Variants in CAB39 observed in about 807,000 individuals in gnomAD.
CAB39 encodes the protein calcium binding protein 39.
Under a neutral mutation model 40.0 loss-of-function variants are expected in CAB39, and 8 were observed. That is an observed-to-expected ratio of 0.20 (90% CI 0.12 to 0.36). CAB39 has a LOEUF of 0.36. CAB39 is among the 10% of genes least tolerant of loss of function. CAB39 has a pLI of 1.00. For missense variants in CAB39, 270 were observed against 401.1 expected (o/e 0.67, Z 2.79); for synonymous variants, 156 against 141.6 (o/e 1.10, Z -0.72).
chr2:230,721,015 G>A (rs1694442452), intron 1 of CAB39, among the ~76,000 whole-genome samples: 1 of 152,140 alleles, frequency 6.6e-6, no homozygotes, highest in Non-Finnish European at 1.5e-5. Context: ...TTTGGATAGA[G>A]GATTTTTGTT....
intron 3 of CAB39, among the ~76,000 whole-genome samples, chr2:230,791,945 C>T: frequency 6.6e-6 from 1 of 152,054 alleles, no homozygotes; most frequent in East Asian, 1.9e-4. Context: ...GTTTTAAGCC[C>T]CAGTGTTTGT....
chr2:230,818,641 C>T lies in CAB39; in HGVS notation c.963C>T (p.Asp321=), dbSNP rs768822881. The part of the protein sequence containing the change: ...NDRTEDEQFN[D]EKTYLVKQIR... ...GGACGGAGGATGAGCAGTTTAACGA[C>T]GAGAAGACCTATTTAGTTAAACAGA... Residue 321 remains aspartate (D), a synonymous_variant, in exon 9 of 9, where the codon GAC becomes GAT. Transcript: ENST00000258418. The T allele has an allele frequency of 6.5e-5, 105 of 1,613,936 alleles. No individual in the cohort carries two copies. In the East Asian group the frequency reaches 1.9e-3, roughly 29 times the overall value.
chr2:230,804,794 TGGTG>T (rs1383445171), intron 5 of CAB39, among the ~76,000 whole-genome samples: 1 of 152,126 alleles, frequency 6.6e-6, no homozygotes, highest in Non-Finnish European at 1.5e-5. Flanking sequence ...TTTACACTGT[TGGTG>T]GGCGTGTAAA....
At chr2:230,786,748 T>C (rs1341822293) in intron 2 of CAB39, among the ~76,000 whole-genome samples, 1 of 152,196 alleles carries the variant, frequency 6.6e-6, no homozygotes, top group African/African-American at 2.4e-5. Context: ...TCACAAAACC[T>C]ATTAGGTATC....
chr2:230,738,160 A>G (rs565084702), intron 1 of CAB39, among the ~76,000 whole-genome samples: 3 of 152,352 alleles, frequency 2.0e-5, no homozygotes, highest in African/African-American at 4.8e-5. Flanking sequence ...GACCTTCAGC[A>G]CACAGTGCCC....
At chr2:230,806,550 C>A (rs777826102) in intron 5 of CAB39, among the ~76,000 whole-genome samples, 8 of 152,174 alleles carry the variant, frequency 5.3e-5, no homozygotes, top group South Asian at 4.1e-4. Context: ...AGAACCCTGT[C>A]ATTCGAGGAG....
intron 6 of CAB39, among the ~76,000 whole-genome samples, chr2:230,813,499 TGTC>T (rs1274042681): frequency 6.6e-6 from 1 of 152,208 alleles, no homozygotes; most frequent in Non-Finnish European, 1.5e-5. Flanking sequence ...CCACCTTCGT[TGTC>T]GGCCTGGTTA....
rs774947197 is a variant in CAB39, at chr2:230,794,748, G to A, written c.398+1417G>A. 2.6e-5 allele frequency among the ~76,000 whole-genome samples: 4 copies of A among 152,248 alleles called. No individual in the cohort carries two copies. In the East Asian group the frequency reaches 7.7e-4, roughly 29 times the overall value. On this transcript the variant is annotated intron_variant, in intron 4 of 8. Transcript: ENST00000258418. ...AACTAGAGGGAATATGTAACATACC[G>A]GTTCCTACCCTAAACCCAGCTTCAA...
Position 230,810,243 on chromosome 2 carries a change from AT to A in CAB39, c.568-11del, listed in dbSNP as rs527401274. 225 of 1,262,012 alleles carry A rather than the reference AT, an allele frequency of 1.8e-4. No individual in the cohort carries two copies. The highest frequency in any genetic ancestry group is 3.3e-4 in the South Asian group (24 of 72,158). 78.2% of individuals were successfully genotyped at this position (1,262,012 alleles called of 1,614,324 possible). A position where few individuals can be genotyped will look rare whatever the true frequency, so the allele number is the denominator to read the frequency against. Reference sequence around the variant, plus strand: ...AAAACTTGGAGAACAACTGTAAACAATTTTTTTTTCTTTTTGTAGGATTTAC... The same window carrying A: ...AAAACTTGGAGAACAACTGTAAACAATTTTTTTTCTTTTTGTAGGATTTAC... On this transcript the variant is annotated intron_variant, in intron 5 of 8. Coordinates refer to ENST00000258418, the MANE Select transcript of CAB39 (RefSeq NM_016289.4).
At chr2:230,722,446 C>G (rs1415455189) in intron 1 of CAB39, among the ~76,000 whole-genome samples, 5 of 152,214 alleles carry the variant, frequency 3.3e-5, no homozygotes, top group South Asian at 4.1e-4. Flanking sequence ...CTTGAGCCAC[C>G]TTGCCCAGCT....
At chr2:230,792,347 G>A (rs73995151) in intron 3 of CAB39, among the ~76,000 whole-genome samples, 6,090 of 152,236 alleles carry the variant, frequency 0.04, 419 homozygotes, top group African/African-American at 0.14. Context: ...TAAAAGAAAA[G>A]TGTGCCCTTA....
At chr2:230,747,526 CTG>C (rs942906787) in intron 1 of CAB39, among the ~76,000 whole-genome samples, 1 of 152,180 alleles carries the variant, frequency 6.6e-6, no homozygotes, top group Non-Finnish European at 1.5e-5. Flanking sequence ...CTTTGAGACT[CTG>C]TAGAAGGAAA....
At chr2:230,725,092 C>G (rs960360615) in intron 1 of CAB39, 13 of 1,590,786 alleles carry the variant, frequency 8.2e-6, no homozygotes, top group Non-Finnish European at 1.1e-5. Context: ...AGTCCCTACT[C>G]GGCTGCAAAC....
chr2:230,812,906 G>T (rs899850621), intron 6 of CAB39, among the ~76,000 whole-genome samples: 1 of 152,198 alleles, frequency 6.6e-6, no homozygotes, highest in Admixed American at 6.5e-5. Context: ...AGCATGGGAT[G>T]TGTTCCAGAA....
intron 1 of CAB39, among the ~76,000 whole-genome samples, chr2:230,744,211 GC>G (rs771219937): frequency 2.0e-5 from 3 of 152,014 alleles, no homozygotes; most frequent in African/African-American, 2.4e-5. Context: ...GAGCCACCGT[GC>G]CCAGCCCCAT....
intron 1 of CAB39, among the ~76,000 whole-genome samples, chr2:230,729,695 G>C (rs910576202): frequency 1.3e-5 from 2 of 151,432 alleles, no homozygotes; most frequent in African/African-American, 4.9e-5. Context: ...GGAGGTTGCA[G>C]TTAGCCAAGA....
chr2:230,750,244 T>C (rs1695062321), intron 1 of CAB39, among the ~76,000 whole-genome samples: 1 of 152,194 alleles, frequency 6.6e-6, no homozygotes. Flanking sequence ...GATTAGGTCG[T>C]TAAGAGGGAT....
intron 1 of CAB39, among the ~76,000 whole-genome samples, chr2:230,752,616 C>G (rs1695111160): frequency 6.6e-6 from 1 of 152,186 alleles, no homozygotes; most frequent in Non-Finnish European, 1.5e-5. Context: ...CCAACACTTG[C>G]ATTGGGAATT....
intron 8 of CAB39, 124 bp downstream of exon 8, chr2:230,818,021 T>G: frequency 1.2e-6 from 1 of 866,134 alleles, no homozygotes; most frequent in Middle Eastern, 2.4e-4. Context: ...TTCAGTCACT[T>G]TTCATATTTG....
Sources: gnomAD v4.1 joint callset for allele counts (sites outside exome capture counted in the v4.1 genomes callset) on GRCh38, gnomAD v4.1.1 for gene constraint, MANE v1.5 for transcripts, NCBI Gene and HGNC (gene_info 2026-07-23, HGNC 2026-07-21) for gene names.